The following RNF214 variants were observed in gnomAD, a reference collection of about 807,000 sequenced individuals.
The protein encoded by RNF214 is ring finger protein 214.
In RNF214, 25 loss-of-function variants were observed where a neutral mutation model predicts 75.9. That is an observed-to-expected ratio of 0.33 (90% CI 0.24 to 0.46). The LOEUF is 0.46. Ranked by LOEUF, RNF214 falls within the 20% of genes least tolerant of loss-of-function variation. The probability of loss-of-function intolerance (pLI) is 1.00; values close to 1 mark genes in which losing one functional copy is unlikely to be tolerated. For synonymous variants in RNF214, 314 were observed against 308.8 expected (o/e 1.02, Z -0.18); for missense variants, 725 against 857.5 (o/e 0.85, Z 1.93).
At position 117,270,241 on chromosome 11, in the gene RNF214, C is replaced by CTTTTTT. The variant is rs57144374; in HGVS notation, c.960-9646_960-9641dup. On this transcript the variant is annotated intron_variant, in intron 6 of 14. Coordinates refer to ENST00000300650, the MANE Select transcript of RNF214 (RefSeq NM_207343.4). ...TTTCAATTTTCTTTTCTTTTCTTTT[C>CTTTTTT]TTTTTTTTTTTTTTTTTTTTTTTTT... Among the ~76,000 whole-genome samples the CTTTTTT allele has an allele frequency of 3.1e-3, 239 of 75,884 alleles. 1 individual carries two copies. The highest frequency in any genetic ancestry group is 4.6e-3 in the African/African-American group (82 of 17,768). 49.8% of individuals were successfully genotyped at this position (75,884 alleles called of 152,430 possible). A position where few individuals can be genotyped will look rare whatever the true frequency, so the allele number is the denominator to read the frequency against.
intron 6 of RNF214, among the ~76,000 whole-genome samples, chr11:117,250,454 A>T (rs1052087386): frequency 6.6e-6 from 1 of 152,086 alleles, no homozygotes; most frequent in African/African-American, 2.4e-5. Context: ...ACATTGTTTC[A>T]TTATGTAGAA....
intron 6 of RNF214, among the ~76,000 whole-genome samples, chr11:117,260,166 G>A (rs2033623454): frequency 6.6e-6 from 1 of 151,820 alleles, no homozygotes; most frequent in Admixed American, 6.6e-5. Flanking sequence ...TGCCCAGGTT[G>A]GAGTGCAGTG....
intron 6 of RNF214, among the ~76,000 whole-genome samples, chr11:117,254,687 G>A (rs951007587): frequency 6.6e-6 from 1 of 151,376 alleles, no homozygotes; most frequent in Non-Finnish European, 1.5e-5. Context: ...CCAGTGGCAC[G>A]ATCTCAGCTC....
Position 117,282,791 on chromosome 11 carries a change from ATCAGTACCCCAATGT to A in RNF214, c.1894_1908del (p.Ser632_Phe636del). 1 of 1,614,088 alleles carries A rather than the reference ATCAGTACCCCAATGT, an allele frequency of 6.2e-7. No homozygotes were observed. The highest frequency in any genetic ancestry group is 8.5e-7 in the Non-Finnish European group (1 of 1,180,018). On this transcript the variant is annotated inframe_deletion, in exon 13 of 15. Coordinates refer to ENST00000300650, the MANE Select transcript of RNF214 (RefSeq NM_207343.4). ...CTTGTTCCCTGCTCCACTGGCCCAA[ATCAGTACCCCAATGT>A]TCTTGCCTTCTGCCCAAGTTTCATA...
intron 6 of RNF214, among the ~76,000 whole-genome samples, chr11:117,270,333 C>CTGCA (rs1183178793): frequency 7.0e-6 from 1 of 142,962 alleles, no homozygotes; most frequent in Non-Finnish European, 1.5e-5. Context: ...TCACGGCTGA[C>CTGCA]TGCAGCCTTG....
chr11:117,275,295 A>G (rs2134412944), intron 6 of RNF214, among the ~76,000 whole-genome samples: 1 of 152,330 alleles, frequency 6.6e-6, no homozygotes, highest in South Asian at 2.1e-4. Flanking sequence ...AAATGCCTTC[A>G]TCAAAAAGAC....
intron 6 of RNF214, among the ~76,000 whole-genome samples, chr11:117,250,769 C>T (rs2033355343): frequency 7.0e-6 from 1 of 142,866 alleles, no homozygotes; most frequent in African/African-American, 2.6e-5. Flanking sequence ...CGGCCTTCCG[C>T]AGTGTTTGTG....
intron 6 of RNF214, among the ~76,000 whole-genome samples, chr11:117,278,096 A>C (rs954292817): frequency 6.6e-6 from 1 of 152,042 alleles, no homozygotes; most frequent in Non-Finnish European, 1.5e-5. Context: ...CGAGGTCAGG[A>C]GATCGAGACC....
chr11:117,266,068 T>A (rs1591834024), intron 6 of RNF214, among the ~76,000 whole-genome samples: 1 of 152,218 alleles, frequency 6.6e-6, no homozygotes, highest in Admixed American at 6.5e-5. Flanking sequence ...TGCTGAGCAG[T>A]AGTCTATTGT....
In RNF214 at chr11:117,262,411, T is replaced by G. The variant is rs1222877869; in HGVS notation, c.959+15463T>G. On this transcript the variant is annotated intron_variant, in intron 6 of 14. Transcript: ENST00000300650. ...CTGTTTGGTTTTTGAGTTGGGGTCT[T>G]GCTTTGTTGCCCAGGCTGGGATGCA... 4.6e-5 allele frequency among the ~76,000 whole-genome samples: 7 copies of G among 151,324 alleles called. No homozygotes were observed. In the East Asian group the frequency reaches 1.4e-3, roughly 30 times the overall value.
intron 6 of RNF214, among the ~76,000 whole-genome samples, chr11:117,270,320 C>T (rs367746092): frequency 5.6e-5 from 8 of 141,696 alleles, no homozygotes; most frequent in East Asian, 2.1e-4. Flanking sequence ...TATAGTAGCA[C>T]GATCACGGCT....
At chr11:117,238,502 T>A in intron 2 of RNF214, 99 bp from the exon 3 acceptor site, 4 of 1,022,120 alleles carry the variant, frequency 3.9e-6, no homozygotes, top group Non-Finnish European at 5.7e-6. Flanking sequence ...AGTTCTTTCA[T>A]TATGATAGTC....
At chr11:117,241,715 A>G (rs781236167) in intron 4 of RNF214, among the ~76,000 whole-genome samples, 57 of 152,152 alleles carry the variant, frequency 3.7e-4, no homozygotes, top group Non-Finnish European at 6.9e-4. Context: ...TTACTCCCCA[A>G]GTTCAAACCT....
Position 117,253,214 on chromosome 11 carries a change from G to A in RNF214, c.959+6266G>A, listed in dbSNP as rs558937276. Reference sequence around the variant, plus strand: ...TTTTGTAGAGACTGGATCTCAGTTTGTTGGCCAGGCTGATCTCAAACTCCT... The same window carrying A: ...TTTTGTAGAGACTGGATCTCAGTTTATTGGCCAGGCTGATCTCAAACTCCT... On this transcript the variant is annotated intron_variant, in intron 6 of 14. Coordinates refer to ENST00000300650, the MANE Select transcript of RNF214 (RefSeq NM_207343.4). Among the ~76,000 whole-genome samples the A allele has an allele frequency of 2.6e-5, 4 of 152,242 alleles. No individual in the cohort carries two copies. The East Asian group carries it at 7.7e-4, about 29-fold the overall frequency.
intron 4 of RNF214, among the ~76,000 whole-genome samples, chr11:117,241,336 C>G (rs1046844854): frequency 1.3e-5 from 2 of 152,004 alleles, no homozygotes; most frequent in Non-Finnish European, 1.5e-5. Context: ...AATCCTAGCA[C>G]TTTGGGAGGC....
chr11:117,237,325 C>G (rs992426221), intron 2 of RNF214, among the ~76,000 whole-genome samples: 1 of 152,238 alleles, frequency 6.6e-6, no homozygotes, highest in African/African-American at 2.4e-5. Context: ...AAATGATCCT[C>G]CTGCCTTGAC....
chr11:117,282,633 A>T, intron 12 of RNF214, 97 bp downstream of exon 12: 2 of 1,549,874 alleles, frequency 1.3e-6, no homozygotes, highest in Non-Finnish European at 8.8e-7. Context: ...CATTCCAGTC[A>T]GAGGTAGCTA....
chr11:117,235,824 A>G (rs1276138533), intron 2 of RNF214, among the ~76,000 whole-genome samples: 2 of 152,180 alleles, frequency 1.3e-5, no homozygotes, highest in East Asian at 3.8e-4. Context: ...TATGTGATGT[A>G]TAGTGATCAG....
rs754419557 is a variant in RNF214 at position 117,283,128 on chromosome 11, G to C, written c.1964G>C (p.Cys655Ser). ...PGRSSHAPAT[C>S]KLCLMCQKLV... ...TCTGTTCTACAGGCTCCAGCCACCT[G>C]TAAGCTATGTCTAATGTGCCAGAAA... Residue 655 changes from cysteine (C) to serine (S), a missense_variant, in exon 14 of 15, where the codon TGT (cysteine) becomes TCT (serine). Transcript: ENST00000300650. The C allele has an allele frequency of 6.2e-7, 1 of 1,613,952 alleles. No individual in the cohort carries two copies. The highest frequency in any genetic ancestry group is 1.3e-5 in the African/African-American group (1 of 75,046).
Sources: allele counts gnomAD v4.1 joint callset (sites outside exome capture counted in the v4.1 genomes callset), GRCh38; gene constraint gnomAD v4.1.1; transcripts MANE v1.5; gene names NCBI Gene and HGNC (gene_info 2026-07-23, HGNC 2026-07-21).